INO80: variants seen among roughly 807,000 people sequenced by gnomAD.
The protein encoded by INO80 is chromatin-remodeling ATPase INO80.
Under a neutral mutation model 203.4 loss-of-function variants are expected in INO80, and 20 were observed. The ratio of observed to expected loss-of-function variants is 0.10; its 90% CI spans 0.07 to 0.14. The LOEUF (loss-of-function observed/expected upper bound fraction) is 0.14. INO80 is among the 10% of genes least tolerant of loss of function. The probability of loss-of-function intolerance (pLI) is 1.00; values close to 1 mark genes in which losing one functional copy is unlikely to be tolerated. For synonymous variants in INO80, 726 were observed against 685.2 expected (o/e 1.06, Z -0.93); for missense variants, 1,419 against 1,914.4 (o/e 0.74, Z 4.83).
intron 27 of INO80, 129 bp downstream of exon 27, chr15:41,015,959 A>T (rs2044200573): frequency 9.9e-6 from 7 of 704,848 alleles, no homozygotes; most frequent in Non-Finnish European, 1.4e-5. Context: ...AAAAAAAAAA[A>T]GGAAAAAGAA....
chr15:41,093,854 T>C (rs367694507), intron 4 of INO80, among the ~76,000 whole-genome samples: 2 of 151,962 alleles, frequency 1.3e-5, no homozygotes, highest in Non-Finnish European at 2.9e-5. Flanking sequence ...CAAAAATAAA[T>C]AAATAAAAAT....
At chr15:41,013,805 T>C (rs970483912) in intron 27 of INO80, among the ~76,000 whole-genome samples, 2 of 152,262 alleles carry the variant, frequency 1.3e-5, no homozygotes, top group African/African-American at 2.4e-5. Context: ...ACATCCAAGA[T>C]GCATGTTATA....
chr15:41,059,833 G>A (rs766972436), intron 15 of INO80, 34 bp downstream of exon 15: 10 of 1,367,028 alleles, frequency 7.3e-6, no homozygotes, highest in African/African-American at 5.8e-5. Flanking sequence ...CTGCATGTAC[G>A]GTACGTATGT....
intron 24 of INO80, among the ~76,000 whole-genome samples, chr15:41,031,751 C>A (rs111565486): frequency 6.6e-6 from 1 of 151,810 alleles, no homozygotes; most frequent in Non-Finnish European, 1.5e-5. Flanking sequence ...TGTCTCATTA[C>A]CCCGGAAGCA....
chr15:41,037,028 G>A (rs567769854), intron 24 of INO80, among the ~76,000 whole-genome samples: 14 of 151,970 alleles, frequency 9.2e-5, no homozygotes, highest in Non-Finnish European at 1.6e-4. Flanking sequence ...GCTCAAACCC[G>A]GGAGGTGGAG....
intron 24 of INO80, among the ~76,000 whole-genome samples, chr15:41,042,007 A>C (rs939110113): frequency 8.1e-6 from 1 of 123,982 alleles, no homozygotes; most frequent in Non-Finnish European, 1.6e-5. Flanking sequence ...GCTAATTTTT[A>C]ATTTTTAATT....
chr15:41,041,247 C>T (rs1194161316), intron 24 of INO80, among the ~76,000 whole-genome samples: 3 of 151,892 alleles, frequency 2.0e-5, no homozygotes, highest in Admixed American at 6.6e-5. Flanking sequence ...CGGCATCATG[C>T]TTGGCTAATT....
In INO80 at chr15:41,087,614, C is replaced by T. The variant is rs776076526; in HGVS notation, c.606G>A (p.Arg202=). ...STYDPFYEQQ[R]HLLGPKKKKF... is the part of the protein sequence containing the mutation. The stretch of plus-strand genomic sequence containing the variant: ...TCTTTTTCTTGGGTCCAAGTAGGTG[C>T]CGTTGTTGCTCATAGAAAGGGTCAT... The change falls in exon 6 of 36, where the codon CGG becomes CGA. Residue 202 remains arginine (R), a synonymous_variant. Coordinates refer to ENST00000648947, the MANE Select transcript of INO80 (RefSeq NM_017553.3). 1.9e-6 allele frequency: 3 copies of T among 1,613,880 alleles called. No homozygotes were observed. Among genetic ancestry groups the T allele is most frequent in the East Asian group, 4.5e-5 (2 of 44,860 alleles).
At chr15:41,082,395 C>G (rs970016495) in intron 7 of INO80, among the ~76,000 whole-genome samples, 2 of 151,416 alleles carry the variant, frequency 1.3e-5, no homozygotes, top group Non-Finnish European at 2.9e-5. Flanking sequence ...GAGACCTCGT[C>G]TCTATAAAAA....
intron 24 of INO80, among the ~76,000 whole-genome samples, chr15:41,034,998 T>C (rs2044547123): frequency 6.6e-6 from 1 of 152,232 alleles, no homozygotes. Flanking sequence ...GTTAAGAGTT[T>C]ATGAGTAAAG....
chr15:41,007,189 T>C lies in INO80; in HGVS notation c.3403-1502A>G, dbSNP rs866797368. On this transcript the variant is annotated intron_variant, in intron 27 of 35. Coordinates refer to ENST00000648947, the MANE Select transcript of INO80 (RefSeq NM_017553.3). Reference sequence around the variant, plus strand: ...CACTCTTTTTTTTTTTTTCTTTTTTTTTTTTTTTTTTTTAGACACTGTCTT... The same window carrying C: ...CACTCTTTTTTTTTTTTTCTTTTTTCTTTTTTTTTTTTTAGACACTGTCTT... 3.3e-4 allele frequency among the ~76,000 whole-genome samples: 48 copies of C among 145,984 alleles called. 1 individual carries two copies. Among genetic ancestry groups the C allele is most frequent in the Middle Eastern group, 6.8e-3 (2 of 294 alleles).
chr15:41,044,834 T>G lies in INO80; in HGVS notation c.2907+70A>C. Reference sequence around the variant, plus strand: ...CTCAGGCCTTCATTTACTTTACTATTATTTTTACTTATTCAAGGAAAAGGA... The same window carrying G: ...CTCAGGCCTTCATTTACTTTACTATGATTTTTACTTATTCAAGGAAAAGGA... On this transcript the variant is annotated intron_variant, in intron 24 of 35. Transcript: ENST00000648947. 2.7e-6 allele frequency: 4 copies of G among 1,459,380 alleles called. No homozygotes were observed. In the South Asian group the frequency reaches 5.7e-5, roughly 21 times the overall value. The allele number at this position is 1,459,380 out of a possible 1,614,324, so 90.4% of individuals were successfully genotyped here.
At chr15:41,060,394 G>T (rs2045081442) in intron 14 of INO80, among the ~76,000 whole-genome samples, 1 of 152,090 alleles carries the variant, frequency 6.6e-6, no homozygotes, top group African/African-American at 2.4e-5. Context: ...TTGGAGACCA[G>T]CCTGGCCAAC....
chr15:41,059,053 G>A (rs536939526), intron 15 of INO80, among the ~76,000 whole-genome samples: 2 of 152,066 alleles, frequency 1.3e-5, no homozygotes, highest in Non-Finnish European at 2.9e-5. Flanking sequence ...CTGGGCTCAC[G>A]TGATCCTCCT....
intron 27 of INO80, among the ~76,000 whole-genome samples, chr15:41,014,900 T>C (rs2044180956): frequency 6.6e-6 from 1 of 152,176 alleles, no homozygotes; most frequent in Non-Finnish European, 1.5e-5. Flanking sequence ...AAAATAACAG[T>C]ACAATTTCCA....
chr15:41,107,363 T>C (rs960497504), intron 1 of INO80, among the ~76,000 whole-genome samples: 1 of 151,944 alleles, frequency 6.6e-6, no homozygotes, highest in African/African-American at 2.4e-5. Flanking sequence ...TAGCCAGGCA[T>C]TGTGGCACAC....
At chr15:41,000,706 CAA>C (rs58232890) in intron 28 of INO80, among the ~76,000 whole-genome samples, 1,561 of 56,826 alleles carry the variant, frequency 0.027, 6 homozygotes, top group African/African-American at 0.083. Context: ...CACCCTGTCT[CAA>C]AAAAAAAAAA....
chr15:41,015,928 G>C (rs547435613), intron 27 of INO80, among the ~76,000 whole-genome samples, 160 bp downstream of exon 27: 1 of 148,286 alleles, frequency 6.7e-6, no homozygotes, highest in East Asian at 2.0e-4. Context: ...CTGGGTGATA[G>C]AGTGAGACTC....
At chr15:41,110,583 C>A (rs771977750) in intron 1 of INO80, among the ~76,000 whole-genome samples, 12 of 152,156 alleles carry the variant, frequency 7.9e-5, no homozygotes, top group Non-Finnish European at 1.5e-4. Context: ...GGACTACAGG[C>A]ATGCACCACC....
Sources: allele counts gnomAD v4.1 joint callset (sites outside exome capture counted in the v4.1 genomes callset), GRCh38; gene constraint gnomAD v4.1.1; transcripts MANE v1.5; gene names NCBI Gene and HGNC (gene_info 2026-07-23, HGNC 2026-07-21).